Variants in ARHGAP26 observed in about 807,000 individuals in gnomAD.
ARHGAP26 encodes rho GTPase-activating protein 26.
Under a neutral mutation model 104.8 loss-of-function variants are expected in ARHGAP26, and 38 were observed. The observed-to-expected ratio is 0.36, with a 90% CI of 0.28 to 0.48. ARHGAP26 has a LOEUF of 0.48. Among genes scored for constraint, ARHGAP26 ranks in the 20% least tolerant of loss-of-function variants. The probability of loss-of-function intolerance (pLI) is 0.99; values close to 1 mark genes in which losing one functional copy is unlikely to be tolerated. For missense variants in ARHGAP26, 704 were observed against 947.9 expected, an observed-to-expected ratio of 0.74 and a Z score of 3.38; for synonymous variants, 341 against 340.0, an observed-to-expected ratio of 1.00 and a Z score of -0.03.
rs1043331836 is a variant in ARHGAP26 at position 143,223,285 on chromosome 5, A to G, written c.*839A>G. On this transcript the variant is annotated 3_prime_UTR_variant, in exon 23 of 23. Transcript: ENST00000645722. ...ATGGTTTTCTAACAACTTGAAGCAC[A>G]GGATCAAGGAATTAGGGTGGTCTAC... is the stretch of plus-strand genomic sequence containing the variant. 14 of 232,952 alleles carry G rather than the reference A, an allele frequency of 6.0e-5. No individual in the cohort carries two copies. Among genetic ancestry groups the G allele is most frequent in the Non-Finnish European group, 1.7e-5 (2 of 117,660 alleles). The allele number at this position is 232,952 out of a possible 1,614,324, so 14.4% of individuals were successfully genotyped here.
intron 20 of ARHGAP26, chr5:143,170,686 G>A (rs853165): frequency 0.42 from 63,831 of 152,072 alleles, 14,258 homozygotes; most frequent in African/African-American, 0.57. Context: ...TCCACATTTT[G>A]CACATGAGGC....
chr5:143,113,847 T>C (rs1384733845), intron 17 of ARHGAP26, among the ~76,000 whole-genome samples: 1 of 152,174 alleles, frequency 6.6e-6, no homozygotes, highest in Non-Finnish European at 1.5e-5. Flanking sequence ...TCATTTTGGG[T>C]TGAATTTTCT....
At chr5:143,218,250 C>T (rs1810632245) in intron 22 of ARHGAP26, among the ~76,000 whole-genome samples, 1 of 152,192 alleles carries the variant, frequency 6.6e-6, no homozygotes, top group East Asian at 1.9e-4. Context: ...CGTCACAGGG[C>T]CGTTGTACTT....
intron 19 of ARHGAP26, among the ~76,000 whole-genome samples, chr5:143,144,383 C>A (rs773709828): frequency 6.6e-6 from 1 of 151,924 alleles, no homozygotes; most frequent in Non-Finnish European, 1.5e-5. Flanking sequence ...AGTGACATTA[C>A]GGGATCATTT....
At chr5:143,178,166 A>T (rs939583964) in intron 20 of ARHGAP26, among the ~76,000 whole-genome samples, 48 of 151,616 alleles carry the variant, frequency 3.2e-4, no homozygotes, top group Non-Finnish European at 6.0e-4. Context: ...TGCCCGGCTA[A>T]TTTTTGTATT....
chr5:143,118,278 T>G (rs1795729570), intron 17 of ARHGAP26, among the ~76,000 whole-genome samples: 1 of 152,188 alleles, frequency 6.6e-6, no homozygotes, highest in African/African-American at 2.4e-5. Context: ...CATTCTCACA[T>G]TTAATCTGTA....
intron 5 of ARHGAP26, among the ~76,000 whole-genome samples, chr5:142,891,547 A>G (rs1758662739): frequency 1.3e-5 from 2 of 151,926 alleles, no homozygotes; most frequent in African/African-American, 2.4e-5. Context: ...TGTAAGTTCT[A>G]TGAAGGAAGT....
chr5:143,197,118 C>T (rs943872066), intron 20 of ARHGAP26, among the ~76,000 whole-genome samples: 13 of 152,148 alleles, frequency 8.5e-5, no homozygotes, highest in Admixed American at 7.2e-4. Flanking sequence ...TTTTATTCCA[C>T]TTTTTCTAAA....
chr5:142,822,869 G>C (rs1766474058), intron 1 of ARHGAP26, among the ~76,000 whole-genome samples: 2 of 152,152 alleles, frequency 1.3e-5, no homozygotes, highest in South Asian at 4.1e-4. Flanking sequence ...CTCTAGCCTG[G>C]TGCCAGGCAC....
chr5:143,110,769 T>G (rs1599059104), intron 17 of ARHGAP26, among the ~76,000 whole-genome samples: 1 of 152,354 alleles, frequency 6.6e-6, no homozygotes. Flanking sequence ...GAAGAAAGGC[T>G]TTCTGAGTCA....
At chr5:142,812,927 CT>C (rs894875979) in intron 1 of ARHGAP26, among the ~76,000 whole-genome samples, 16 of 146,426 alleles carry the variant, frequency 1.1e-4, no homozygotes, top group East Asian at 2.1e-4. Context: ...ATTTCTTTTT[CT>C]TTTTTTTTCT....
chr5:142,991,003 T>C (rs967382070), intron 11 of ARHGAP26, among the ~76,000 whole-genome samples: 1 of 152,200 alleles, frequency 6.6e-6, no homozygotes, highest in Admixed American at 6.5e-5. Context: ...CAGATAGGGA[T>C]GTTTAAGTCT....
At position 142,921,215 on chromosome 5, in the gene ARHGAP26, C is replaced by G. The variant is rs2152504476; in HGVS notation, c.1028+7922C>G. Reference sequence around the variant, plus strand: ...TAACCTGCATTTGCACAGTAATAAGCTTTTCTTTGTATTGGTTGGTTGGGT... The same window carrying G: ...TAACCTGCATTTGCACAGTAATAAGGTTTTCTTTGTATTGGTTGGTTGGGT... On this transcript the variant is annotated intron_variant, in intron 10 of 22. Transcript: ENST00000645722. Among the ~76,000 whole-genome samples the G allele has an allele frequency of 2.0e-5, 3 of 152,228 alleles. No individual in the cohort carries two copies. The South Asian group carries it at 6.2e-4, about 32-fold the overall frequency.
chr5:142,876,914 G>A (rs930583020), intron 3 of ARHGAP26, among the ~76,000 whole-genome samples: 40 of 152,062 alleles, frequency 2.6e-4, no homozygotes, highest in African/African-American at 9.4e-4. Flanking sequence ...TCAGAAGGGT[G>A]GTGGTGGCAG....
At chr5:142,843,663 C>T (rs1771281931) in intron 1 of ARHGAP26, among the ~76,000 whole-genome samples, 1 of 152,086 alleles carries the variant, frequency 6.6e-6, no homozygotes, top group Non-Finnish European at 1.5e-5. Flanking sequence ...TAAAACATTT[C>T]TCAGTATGAG....
intron 1 of ARHGAP26, among the ~76,000 whole-genome samples, chr5:142,803,877 C>T (rs77713773): frequency 0.042 from 6,446 of 152,296 alleles, 279 homozygotes; most frequent in East Asian, 0.18. Context: ...TCCTTGATCA[C>T]TGAGGAGTGT....
At chr5:143,214,319 C>A (rs559257010) in intron 22 of ARHGAP26, among the ~76,000 whole-genome samples, 3 of 152,292 alleles carry the variant, frequency 2.0e-5, no homozygotes, top group Non-Finnish European at 4.4e-5. Context: ...TAATCAGCTC[C>A]ATGTTGAGTT....
At chr5:142,990,691 C>G (rs1293104219) in intron 11 of ARHGAP26, among the ~76,000 whole-genome samples, 1 of 152,210 alleles carries the variant, frequency 6.6e-6, no homozygotes, top group African/African-American at 2.4e-5. Context: ...AGTTAGGACT[C>G]TCAGCTGCAG....
chr5:142,980,352 CTTTA>C (rs1773743581), intron 11 of ARHGAP26, among the ~76,000 whole-genome samples: 2 of 131,468 alleles, frequency 1.5e-5, no homozygotes, highest in African/African-American at 2.9e-5. Flanking sequence ...CTCTAGGAAC[CTTTA>C]TTTTATTTTA....
Sources: allele counts gnomAD v4.1 joint callset (sites outside exome capture counted in the v4.1 genomes callset), GRCh38; gene constraint gnomAD v4.1.1; transcripts MANE v1.5; gene names NCBI Gene and HGNC (gene_info 2026-07-23, HGNC 2026-07-21).